The following ELAVL2 variants were observed in gnomAD, a reference collection of about 807,000 sequenced individuals.
ELAVL2 encodes the protein ELAV like RNA binding protein 2.
A neutral mutation model predicts 34.6 loss-of-function variants in ELAVL2; 4 were observed. That is an observed-to-expected ratio of 0.12 (90% CI 0.06 to 0.26). ELAVL2 has a LOEUF of 0.26. Among genes scored for constraint, ELAVL2 ranks in the 10% least tolerant of loss-of-function variants. The pLI is 1.00. For missense variants in ELAVL2, 432 were observed against 442.8 expected (o/e 0.98, Z 0.22); for synonymous variants, 193 against 154.8 (o/e 1.25, Z -1.83).
intron 2 of ELAVL2, among the ~76,000 whole-genome samples, chr9:23,760,990 T>G (rs1407113130): frequency 6.6e-6 from 1 of 152,020 alleles, no homozygotes; most frequent in Non-Finnish European, 1.5e-5. Context: ...ACCCCCTTTT[T>G]CTCTGCCTTT....
chr9:23,773,539 G>GCTT (rs1317593406), intron 1 of ELAVL2, among the ~76,000 whole-genome samples: 1 of 152,124 alleles, frequency 6.6e-6, no homozygotes, highest in African/African-American at 2.4e-5. Flanking sequence ...GAAAAATGAA[G>GCTT]CAAGTGTATG....
At chr9:23,830,992 C>G (rs778748521), upstream of ELAVL2, among the ~76,000 whole-genome samples, 12 of 152,154 alleles carry the variant, frequency 7.9e-5, no homozygotes, top group Non-Finnish European at 1.8e-4. Context: ...CTTCTTTAAG[C>G]TTCCCCCTGG....
rs896025284 is a variant in ELAVL2 at position 23,729,459 on chromosome 9, T to C, written c.333+1563A>G. Among the ~76,000 whole-genome samples the C allele has an allele frequency of 5.3e-5, 8 of 152,128 alleles. 1 individual carries two copies. The highest frequency in any genetic ancestry group is 1.2e-4 in the African/African-American group (5 of 41,438). ...AACACTTATTGTTACTTAATAGTAC[T>C]AGTAAAAGATCTCTGACACAGAAAG... On this transcript the variant is annotated intron_variant, in intron 3 of 6. Transcript: ENST00000397312.
At chr9:23,819,219 ACACT>A (rs1404812059) in intron 1 of ELAVL2, among the ~76,000 whole-genome samples, 2 of 152,206 alleles carry the variant, frequency 1.3e-5, no homozygotes, top group African/African-American at 2.4e-5. Context: ...ATGGTATATG[ACACT>A]CACAGCATCA....
chr9:23,849,566 G>C, the ELAVL2 span: 5 of 152,154 alleles, frequency 3.3e-5, no homozygotes, highest in Non-Finnish European at 7.3e-5. Flanking sequence ...GGAAGTCAGA[G>C]CTGCAAGGTT....
chr9:23,825,680 T>G (rs1302939269), intron 1 of ELAVL2, 126 bp downstream of exon 1: 1 of 152,244 alleles, frequency 6.6e-6, no homozygotes, highest in Non-Finnish European at 1.5e-5. Flanking sequence ...AGCAGAACAG[T>G]AGCTTTGAAA....
chr9:23,776,710 TACCTG>T (rs1325804581), intron 1 of ELAVL2, among the ~76,000 whole-genome samples: 1 of 133,104 alleles, frequency 7.5e-6, no homozygotes, highest in African/African-American at 2.9e-5. Context: ...ATCCCTTCTC[TACCTG>T]ACCTATGCTA....
chr9:23,771,094 A>G (rs2057225636), intron 1 of ELAVL2, among the ~76,000 whole-genome samples: 1 of 152,186 alleles, frequency 6.6e-6, no homozygotes, highest in Non-Finnish European at 1.5e-5. Flanking sequence ...GTGCAGGAAG[A>G]CTCAGTGAGT....
intron 2 of ELAVL2, among the ~76,000 whole-genome samples, chr9:23,741,544 CTTAGGCAATCCATGCTTA>C (rs1045197887): frequency 2.6e-5 from 4 of 152,152 alleles, no homozygotes; most frequent in African/African-American, 4.8e-5. Context: ...GACACTCCCC[CTTAGGCAATCCATGCTTA>C]TCTACTTAGG....
intron 1 of ELAVL2, among the ~76,000 whole-genome samples, chr9:23,821,053 G>A (rs1304686083): frequency 6.6e-6 from 1 of 152,180 alleles, no homozygotes; most frequent in Non-Finnish European, 1.5e-5. Context: ...TCCAAGGACC[G>A]CGCGCGCGAA....
chr9:23,703,719 A>G (rs1313946937), intron 4 of ELAVL2, among the ~76,000 whole-genome samples: 1 of 152,180 alleles, frequency 6.6e-6, no homozygotes, highest in Non-Finnish European at 1.5e-5. Context: ...AATATACAAC[A>G]TGCCTCCAAG....
chr9:23,700,538 A>C (rs897473440), intron 5 of ELAVL2, among the ~76,000 whole-genome samples: 4 of 152,210 alleles, frequency 2.6e-5, no homozygotes, highest in Non-Finnish European at 5.9e-5. Context: ...GAGGTCAGTA[A>C]ATTACAACCG....
At chr9:23,791,485 G>A (rs1002448529) in intron 1 of ELAVL2, among the ~76,000 whole-genome samples, 2 of 152,114 alleles carry the variant, frequency 1.3e-5, no homozygotes, top group South Asian at 2.1e-4. Flanking sequence ...TAGTTCAGTA[G>A]TTTCAGTAGA....
At chr9:23,761,215 C>T (rs1367016715) in intron 2 of ELAVL2, among the ~76,000 whole-genome samples, 1 of 152,084 alleles carries the variant, frequency 6.6e-6, no homozygotes, top group African/African-American at 2.4e-5. Context: ...GAAAAGTCCA[C>T]AGAGTCTGTC....
At chr9:23,781,789 G>A (rs1160958238) in intron 1 of ELAVL2, among the ~76,000 whole-genome samples, 3 of 152,022 alleles carry the variant, frequency 2.0e-5, no homozygotes, top group African/African-American at 4.8e-5. Context: ...TGCCTCCCGG[G>A]TTCACACCAT....
intron 2 of ELAVL2, among the ~76,000 whole-genome samples, chr9:23,755,557 T>G (rs2135757476): frequency 6.6e-6 from 1 of 152,284 alleles, no homozygotes; most frequent in South Asian, 2.1e-4. Context: ...CTCCATTACC[T>G]TTTGCCTATG....
chr9:23,822,204 A>C (rs907232964), intron 1 of ELAVL2, among the ~76,000 whole-genome samples: 1 of 152,120 alleles, frequency 6.6e-6, no homozygotes, highest in Non-Finnish European at 1.5e-5. Context: ...AATATATATA[A>C]GTATACACAC....
chr9:23,828,768 CAG>C (rs1162142402), upstream of ELAVL2, among the ~76,000 whole-genome samples: 1 of 152,082 alleles, frequency 6.6e-6, no homozygotes, highest in Non-Finnish European at 1.5e-5. Flanking sequence ...CTCATTAAAA[CAG>C]ATGTTTTTAC....
chr9:23,714,155 G>C (rs954215679), intron 3 of ELAVL2, among the ~76,000 whole-genome samples: 1 of 152,110 alleles, frequency 6.6e-6, no homozygotes, highest in African/African-American at 2.4e-5. Flanking sequence ...CACTGTTCTG[G>C]ATATGTAACA....
Sources: gnomAD v4.1 joint callset for allele counts (sites outside exome capture counted in the v4.1 genomes callset) on GRCh38, gnomAD v4.1.1 for gene constraint, MANE v1.5 for transcripts, NCBI Gene and HGNC (gene_info 2026-07-23, HGNC 2026-07-21) for gene names.